Variants in GRIA3 observed in about 807,000 individuals in gnomAD.
The protein encoded by GRIA3 is glutamate ionotropic receptor AMPA type subunit 3, also known as glutamate receptor 3.
In GRIA3, 3 loss-of-function variants were observed where a neutral mutation model predicts 63.0. That is an observed-to-expected ratio of 0.05 (90% CI 0.02 to 0.12). GRIA3 has a LOEUF of 0.12. Among genes scored for constraint, GRIA3 ranks in the 10% least tolerant of loss-of-function variants. The probability of loss-of-function intolerance (pLI) is 1.00; values close to 1 mark genes in which losing one functional copy is unlikely to be tolerated. For synonymous variants in GRIA3, 274 were observed against 257.9 expected, an observed-to-expected ratio of 1.06 and a Z score of -0.60; for missense variants, 347 against 700.9, an observed-to-expected ratio of 0.50 and a Z score of 5.70.
chrX:123,389,484 T>C (rs925272680), intron 5 of GRIA3, among the ~76,000 whole-genome samples: 7 of 111,420 alleles, frequency 6.3e-5, no homozygotes, highest in African/African-American at 2.0e-4. Flanking sequence ...CTCCTTTCAC[T>C]GTTTTTGACT....
intron 3 of GRIA3, among the ~76,000 whole-genome samples, chrX:123,309,492 A>G (rs191911939): frequency 3.2e-4 from 36 of 112,117 alleles, no homozygotes; most frequent in Non-Finnish European, 2.3e-4. Flanking sequence ...CTCAAATAAT[A>G]GCTAATAAAC....
chrX:123,283,334 C>T (rs912881699), intron 3 of GRIA3, among the ~76,000 whole-genome samples: 1 of 111,579 alleles, frequency 9.0e-6, no homozygotes, highest in Admixed American at 9.4e-5. Context: ...GGGCAGACAC[C>T]GAGCTAGCTG....
At chrX:123,348,934 C>A (rs1198621205) in intron 4 of GRIA3, among the ~76,000 whole-genome samples, 1 of 111,917 alleles carries the variant, frequency 8.9e-6, no homozygotes, top group Non-Finnish European at 1.9e-5. Context: ...CATTCTCTCC[C>A]CTAAAGATAT....
At chrX:123,455,818 C>T (rs767958311) in intron 12 of GRIA3, among the ~76,000 whole-genome samples, 4 of 100,756 alleles carry the variant, frequency 4.0e-5, no homozygotes, top group East Asian at 3.0e-4. Flanking sequence ...GGGGTTATCA[C>T]GGGGAAAGAT....
At chrX:123,267,805 A>C (rs1273972856) in intron 3 of GRIA3, among the ~76,000 whole-genome samples, 1 of 111,893 alleles carries the variant, frequency 8.9e-6, no homozygotes, top group Non-Finnish European at 1.9e-5. Context: ...GGCTTGGCTG[A>C]GCATGGGAAG....
At chrX:123,220,909 C>T (rs753765857) in intron 2 of GRIA3, among the ~76,000 whole-genome samples, 3 of 112,131 alleles carry the variant, frequency 2.7e-5, no homozygotes, top group African/African-American at 9.7e-5. Flanking sequence ...ACTTATAGCA[C>T]TTATCAAGCA....
chrX:123,255,835 T>C (rs2044416626), intron 3 of GRIA3, among the ~76,000 whole-genome samples: 1 of 110,689 alleles, frequency 9.0e-6, no homozygotes. Flanking sequence ...CATAAACTTT[T>C]ACACTAATTT....
chrX:123,195,811 A>G (rs1039618905), intron 2 of GRIA3, among the ~76,000 whole-genome samples: 3 of 111,538 alleles, frequency 2.7e-5, no homozygotes, highest in Non-Finnish European at 5.7e-5. Flanking sequence ...TCTCAGTAAA[A>G]ACTCTATTTT....
At chrX:123,286,509 G>C (rs1227736059) in intron 3 of GRIA3, among the ~76,000 whole-genome samples, 1 of 111,588 alleles carries the variant, frequency 9.0e-6, no homozygotes, top group Non-Finnish European at 1.9e-5. Context: ...TAACGAAATA[G>C]ACCACTAACC....
chrX:123,371,474 C>T (rs5911606), intron 5 of GRIA3, among the ~76,000 whole-genome samples: 16,715 of 110,047 alleles, frequency 0.15, 1,089 homozygotes, highest in Non-Finnish European at 0.2. Flanking sequence ...TTCTTCATAG[C>T]GGTTGTATTA....
At chrX:123,439,203 C>G (rs2045660558) in intron 12 of GRIA3, among the ~76,000 whole-genome samples, 1 of 112,101 alleles carries the variant, frequency 8.9e-6, no homozygotes, top group African/African-American at 3.2e-5. Context: ...CACTAGCATG[C>G]AGGCAAAGGA....
chrX:123,202,655 C>T (rs1569397792), intron 2 of GRIA3: 1 of 1,166,571 alleles, frequency 8.6e-7, no homozygotes, highest in Non-Finnish European at 1.1e-6. Flanking sequence ...AAAGGGACTA[C>T]CTGCCTTGGC....
intron 4 of GRIA3, among the ~76,000 whole-genome samples, chrX:123,352,900 A>G (rs925102904): frequency 2.7e-5 from 3 of 110,984 alleles, no homozygotes; most frequent in Admixed American, 1.9e-4. Context: ...AAGCATGAGA[A>G]ATCACATCCT....
chrX:123,346,998 G>A (rs1423004079), intron 4 of GRIA3, among the ~76,000 whole-genome samples: 2 of 112,106 alleles, frequency 1.8e-5, no homozygotes, highest in African/African-American at 6.5e-5. Flanking sequence ...AGTATTGTTC[G>A]ATTTTTGTGG....
chrX:123,484,818 TG>T (rs2045933033), intron 15 of GRIA3, among the ~76,000 whole-genome samples: 1 of 112,802 alleles, frequency 8.9e-6, no homozygotes, highest in South Asian at 3.6e-4. Context: ...GTTCACACTG[TG>T]GATTTACATT....
At chrX:123,424,258 A>G (rs1414289043) in intron 11 of GRIA3, among the ~76,000 whole-genome samples, 1 of 111,783 alleles carries the variant, frequency 8.9e-6, no homozygotes, top group Admixed American at 9.5e-5. Flanking sequence ...ATGTGATGGG[A>G]TTGACCCATC....
chrX:123,311,904 TG>T (rs2147323289), intron 3 of GRIA3, among the ~76,000 whole-genome samples: 1 of 112,274 alleles, frequency 8.9e-6, no homozygotes, highest in African/African-American at 3.2e-5. Flanking sequence ...CAGTCACTGA[TG>T]GGGGGAAGAA....
intron 2 of GRIA3, among the ~76,000 whole-genome samples, chrX:123,249,677 A>T (rs2044378451): frequency 9.0e-6 from 1 of 111,247 alleles, no homozygotes; most frequent in Non-Finnish European, 1.9e-5. Context: ...TTTCACCTAA[A>T]ACTCTTCTTA....
intron 3 of GRIA3, among the ~76,000 whole-genome samples, chrX:123,299,224 T>C (rs935948049): frequency 8.1e-5 from 9 of 111,627 alleles, no homozygotes; most frequent in African/African-American, 2.9e-4. Flanking sequence ...TTTTTGTGGT[T>C]CCATATGAAT....
Sources: gnomAD v4.1 joint callset for allele counts (sites outside exome capture counted in the v4.1 genomes callset) on GRCh38, gnomAD v4.1.1 for gene constraint, MANE v1.5 for transcripts, NCBI Gene and HGNC (gene_info 2026-07-23, HGNC 2026-07-21) for gene names.